ARHGAP6: variants seen among roughly 807,000 people sequenced by gnomAD.
ARHGAP6 encodes Rho GTPase activating protein 6.
ARHGAP6 carries 16 observed loss-of-function variants against 55.7 expected under a neutral mutation model. The observed-to-expected ratio is 0.29, with a 90% CI of 0.19 to 0.44. ARHGAP6 has a LOEUF of 0.44. Ranked by LOEUF, ARHGAP6 falls within the 20% of genes least tolerant of loss-of-function variation. ARHGAP6 has a pLI of 1.00. For synonymous variants in ARHGAP6, 382 were observed against 360.9 expected (o/e 1.06, Z -0.66); for missense variants, 698 against 808.9 (o/e 0.86, Z 1.66).
In ARHGAP6 at chrX:11,171,213, C is replaced by G. The variant is rs189544181; in HGVS notation, c.1630-1529G>C. Among the ~76,000 whole-genome samples, 4 of 110,348 alleles carry G rather than the reference C, an allele frequency of 3.6e-5. No individual in the cohort carries two copies. In the East Asian group the frequency reaches 1.1e-3, roughly 31 times the overall value. On this transcript the variant is annotated intron_variant, in intron 8 of 12. Coordinates refer to ENST00000337414, the MANE Select transcript of ARHGAP6 (RefSeq NM_013427.3). ...TTAATAATTAGAAAGCACAGGTAAGCCAAAAGAAAAAAAAATGCCCATAAT... is the reference window on the plus strand; with the variant it reads ...TTAATAATTAGAAAGCACAGGTAAGGCAAAAGAAAAAAAAATGCCCATAAT...
intron 1 of ARHGAP6, among the ~76,000 whole-genome samples, chrX:11,272,642 A>G (rs1470210200): frequency 1.8e-5 from 2 of 109,285 alleles, no homozygotes; most frequent in Admixed American, 1.0e-4. Flanking sequence ...TTTCTCTTCC[A>G]TTGACAGCAG....
chrX:11,267,742 T>G (rs2047645754), intron 1 of ARHGAP6, among the ~76,000 whole-genome samples: 1 of 112,343 alleles, frequency 8.9e-6, no homozygotes, highest in Admixed American at 9.4e-5. Context: ...CTAGTCTGTT[T>G]TAAGAGTGGA....
chrX:11,507,522 C>G (rs906815269), intron 1 of ARHGAP6, among the ~76,000 whole-genome samples: 1 of 112,146 alleles, frequency 8.9e-6, no homozygotes, highest in Non-Finnish European at 1.9e-5. Flanking sequence ...CCAATACACA[C>G]TTTCACCTCA....
intron 2 of ARHGAP6, among the ~76,000 whole-genome samples, chrX:11,243,974 A>C (rs1172809325): frequency 6.3e-5 from 7 of 111,787 alleles, no homozygotes; most frequent in African/African-American, 2.3e-4. Flanking sequence ...GCACACTGTC[A>C]AAATCATCTA....
intron 1 of ARHGAP6, chrX:11,335,845 GCCT>G (rs765965079): frequency 3.5e-4 from 79 of 228,929 alleles, no homozygotes; most frequent in African/African-American, 2.1e-3. Flanking sequence ...TGGTGGGGAG[GCCT>G]AGGTAAAAGG....
At chrX:11,266,924 T>TGC (rs1395450698) in intron 1 of ARHGAP6, among the ~76,000 whole-genome samples, 1 of 111,993 alleles carries the variant, frequency 8.9e-6, no homozygotes, top group African/African-American at 3.2e-5. Flanking sequence ...CTGCTGCTGC[T>TGC]GCTGCTAAGG....
At position 11,382,903 on chromosome X, in the gene ARHGAP6, C is replaced by T. The variant is rs536050106; in HGVS notation, c.589-128196G>A. ...TATACGGACATCAAATTTCACTTGG[C>T]TTTGTCTGTTAGAAATTTACCTCAA... On this transcript the variant is annotated intron_variant, in intron 1 of 12. Transcript: ENST00000337414. Among the ~76,000 whole-genome samples the T allele has an allele frequency of 5.3e-4, 60 of 112,348 alleles. No individual in the cohort carries two copies. In the South Asian group the frequency reaches 0.019, roughly 36 times the overall value.
intron 1 of ARHGAP6, 90 bp from the exon 2 acceptor site, chrX:11,254,797 T>A: frequency 1.0e-6 from 1 of 992,315 alleles, no homozygotes; most frequent in Admixed American, 4.1e-5. Flanking sequence ...AGTAATAAAG[T>A]CAAGCAAACC....
intron 1 of ARHGAP6, among the ~76,000 whole-genome samples, chrX:11,498,490 C>A (rs1351248293): frequency 1.8e-5 from 2 of 111,810 alleles, no homozygotes; most frequent in Non-Finnish European, 3.8e-5. Context: ...CCACTCTCAC[C>A]ATCTGTGCAT....
intron 1 of ARHGAP6, among the ~76,000 whole-genome samples, chrX:11,514,451 C>A (rs1255947388): frequency 9.1e-6 from 1 of 109,999 alleles, no homozygotes; most frequent in Non-Finnish European, 1.9e-5. Context: ...CTATCCTGAA[C>A]ATAGGATGTT....
intron 1 of ARHGAP6, chrX:11,427,442 A>G: frequency 1.1e-6 from 1 of 870,967 alleles, no homozygotes; most frequent in East Asian, 1.1e-4. Flanking sequence ...CCACCCCCTC[A>G]GCCGTGGACC....
chrX:11,178,841 G>A (rs1435777102), intron 7 of ARHGAP6, among the ~76,000 whole-genome samples: 2 of 111,588 alleles, frequency 1.8e-5, no homozygotes, highest in African/African-American at 3.3e-5. Context: ...TCTTCTTCAT[G>A]GGATCTGTAG....
Position 11,664,273 on chromosome X carries a change from G to A in ARHGAP6, c.556C>T (p.Arg186Cys). 8.3e-7 allele frequency: 1 copy of A among 1,211,080 alleles called. No individual in the cohort carries two copies. The highest frequency in any genetic ancestry group is 1.1e-6 in the Non-Finnish European group (1 of 895,066). Residue 186 changes from arginine (R) to cysteine (C), a missense_variant, in exon 1 of 13, where the codon CGC (arginine) becomes TGC (cysteine). Arg to Cys is a radical substitution (Grantham distance 180, BLOSUM62 -3). Transcript: ENST00000337414. The part of the protein sequence containing the change: ...QRKFQSPPDS[R>C]GHPYVVWKSE... ...TTCCACACGACGTAGGGGTGCCCGC[G>A]ACTGTCGGGTGGGGACTGGAACTTC...
At chrX:11,204,905 G>A (rs749583963) in intron 2 of ARHGAP6, among the ~76,000 whole-genome samples, 4 of 112,079 alleles carry the variant, frequency 3.6e-5, no homozygotes, top group African/African-American at 1.3e-4. Flanking sequence ...TTCCATGTGA[G>A]AGTGAACATT....
intron 1 of ARHGAP6, among the ~76,000 whole-genome samples, chrX:11,555,789 G>A: frequency 9.0e-6 from 1 of 111,021 alleles, no homozygotes; most frequent in Non-Finnish European, 1.9e-5. Context: ...ATATTTGGGG[G>A]AAAGCATTCC....
intron 1 of ARHGAP6, among the ~76,000 whole-genome samples, chrX:11,520,854 C>G (rs1007882548): frequency 4.5e-5 from 5 of 112,009 alleles, no homozygotes; most frequent in Non-Finnish European, 7.5e-5. Context: ...GATCGCCATT[C>G]TAACTGGTGT....
At position 11,627,879 on chromosome X, in the gene ARHGAP6, T is replaced by G. The variant is rs181905049; in HGVS notation, c.588+36362A>C. ...TTCCACTATGGAGTTCAGAGACTGG[T>G]ATATGCAACCTTCAAGCCTTCAGGT... On this transcript the variant is annotated intron_variant, in intron 1 of 12. Coordinates refer to ENST00000337414, the MANE Select transcript of ARHGAP6 (RefSeq NM_013427.3). Among the ~76,000 whole-genome samples, 4 of 112,017 alleles carry G rather than the reference T, an allele frequency of 3.6e-5. No homozygotes were observed. In the Admixed American group the frequency reaches 3.8e-4, roughly 11 times the overall value.
chrX:11,379,061 G>C (rs2049234022), intron 1 of ARHGAP6, among the ~76,000 whole-genome samples: 1 of 112,522 alleles, frequency 8.9e-6, no homozygotes, highest in Non-Finnish European at 1.9e-5. Context: ...ACTAGCTCAT[G>C]CATCTGCAGG....
chrX:11,416,411 C>A (rs971268227), intron 1 of ARHGAP6, among the ~76,000 whole-genome samples: 2 of 111,362 alleles, frequency 1.8e-5, no homozygotes, highest in Non-Finnish European at 3.8e-5. Flanking sequence ...TGTGAAGTAT[C>A]TAGTAAGTTT....
Sources: gnomAD v4.1 joint callset for allele counts (sites outside exome capture counted in the v4.1 genomes callset) on GRCh38, gnomAD v4.1.1 for gene constraint, MANE v1.5 for transcripts, NCBI Gene and HGNC (gene_info 2026-07-23, HGNC 2026-07-21) for gene names.